Variants in ATXN7L1 observed in about 807,000 individuals in gnomAD.
The protein encoded by ATXN7L1 is ataxin 7 like 1.
In ATXN7L1, 15 loss-of-function variants were observed where a neutral mutation model predicts 70.8. The observed-to-expected ratio is 0.21, with a 90% CI of 0.14 to 0.33. The LOEUF is 0.33. ATXN7L1 is among the 10% of genes least tolerant of loss of function. The pLI, the probability that ATXN7L1 is intolerant of heterozygous loss-of-function variation, is 1.00. For synonymous variants in ATXN7L1, 440 were observed against 445.1 expected, an observed-to-expected ratio of 0.99 and a Z score of 0.14; for missense variants, 975 against 1,097.1, an observed-to-expected ratio of 0.89 and a Z score of 1.57.
chr7:105,784,835 T>C (rs1305018124), intron 3 of ATXN7L1, among the ~76,000 whole-genome samples: 2 of 152,160 alleles, frequency 1.3e-5, no homozygotes, highest in Admixed American at 6.5e-5. Context: ...CCAAAGCCCA[T>C]GCTGTCTCCT....
chr7:105,857,259 C>A (rs1369039335), intron 2 of ATXN7L1, among the ~76,000 whole-genome samples: 1 of 152,226 alleles, frequency 6.6e-6, no homozygotes, highest in East Asian at 1.9e-4. Context: ...AACCAAACAG[C>A]CTCTACCTTT....
rs539104338 is a variant in ATXN7L1, at chr7:105,660,978, C to T, written c.578+4088G>A. ...ACCTCATAGTCCTTATCACTTTGTA[C>T]TGTGTTAGCTTATGTTTCTATTTAC... is the stretch of plus-strand genomic sequence containing the variant. On this transcript the variant is annotated intron_variant, in intron 4 of 11. Coordinates refer to ENST00000419735, the MANE Select transcript of ATXN7L1 (RefSeq NM_020725.2). 2.6e-5 allele frequency among the ~76,000 whole-genome samples: 4 copies of T among 152,246 alleles called. No individual in the cohort carries two copies. In the South Asian group the frequency reaches 8.3e-4, roughly 32 times the overall value.
intron 4 of ATXN7L1, among the ~76,000 whole-genome samples, chr7:105,660,576 C>CTTTTTTT (rs34008024): frequency 5.1e-4 from 40 of 78,156 alleles, no homozygotes; most frequent in Non-Finnish European, 5.9e-4. Flanking sequence ...CGGAAGTGAC[C>CTTTTTTT]TTTTTTTTTT....
At chr7:105,685,121 T>C (rs905056968) in intron 3 of ATXN7L1, among the ~76,000 whole-genome samples, 2 of 151,808 alleles carry the variant, frequency 1.3e-5, no homozygotes, top group African/African-American at 4.8e-5. Context: ...ACTACCTTCC[T>C]TATTGGCAAC....
chr7:105,659,469 C>T (rs1365428156), intron 4 of ATXN7L1, among the ~76,000 whole-genome samples: 2 of 152,052 alleles, frequency 1.3e-5, no homozygotes, highest in Non-Finnish European at 2.9e-5. Context: ...GAAAGTGTCA[C>T]ATGTGAGGTA....
intron 2 of ATXN7L1, among the ~76,000 whole-genome samples, chr7:105,790,562 C>G (rs1176692828): frequency 3.9e-5 from 6 of 151,986 alleles, no homozygotes; most frequent in African/African-American, 1.2e-4. Flanking sequence ...GCCTGGGCAA[C>G]AGAGTGAGAC....
chr7:105,797,366 A>G (rs1191944938), intron 2 of ATXN7L1, among the ~76,000 whole-genome samples: 1 of 152,116 alleles, frequency 6.6e-6, no homozygotes, highest in Non-Finnish European at 1.5e-5. Flanking sequence ...ACAAAACATG[A>G]CCACACAAGA....
At chr7:105,686,286 C>T (rs1031246582) in intron 3 of ATXN7L1, among the ~76,000 whole-genome samples, 5 of 152,134 alleles carry the variant, frequency 3.3e-5, no homozygotes, top group South Asian at 2.1e-4. Flanking sequence ...GAAGCTGAGG[C>T]GGGTGGATCA....
chr7:105,681,095 C>T (rs1049221291), intron 3 of ATXN7L1, among the ~76,000 whole-genome samples: 48 of 152,306 alleles, frequency 3.2e-4, no homozygotes, highest in African/African-American at 1.1e-3. Context: ...AGAACCGTAA[C>T]TCTAAATACA....
At chr7:105,758,868 A>G (rs915273566) in intron 3 of ATXN7L1, among the ~76,000 whole-genome samples, 6 of 152,240 alleles carry the variant, frequency 3.9e-5, no homozygotes, top group Non-Finnish European at 7.3e-5. Flanking sequence ...AACACAGGAC[A>G]GTAAAAAAGG....
intron 7 of ATXN7L1, among the ~76,000 whole-genome samples, chr7:105,635,471 G>C (rs1332237402): frequency 6.6e-6 from 1 of 152,166 alleles, no homozygotes; most frequent in Non-Finnish European, 1.5e-5. Flanking sequence ...ACCATCCATG[G>C]ACTGCTTCTT....
At chr7:105,638,885 T>C (rs1466417818) in intron 6 of ATXN7L1, among the ~76,000 whole-genome samples, 3 of 152,124 alleles carry the variant, frequency 2.0e-5, no homozygotes, top group Admixed American at 2.0e-4. Context: ...ACCTCTCTGA[T>C]GAAAGGCAAC....
intron 2 of ATXN7L1, among the ~76,000 whole-genome samples, chr7:105,824,547 T>C (rs543431794): frequency 1.9e-3 from 281 of 151,716 alleles, no homozygotes; most frequent in African/African-American, 6.2e-3. Flanking sequence ...ATAGGTGACA[T>C]AAAAATTTTA....
intron 2 of ATXN7L1, among the ~76,000 whole-genome samples, chr7:105,868,481 T>C (rs1009093945): frequency 1.3e-5 from 2 of 152,206 alleles, no homozygotes; most frequent in Non-Finnish European, 2.9e-5. Context: ...TACCCTACTA[T>C]GCAGGCACCA....
At chr7:105,692,420 TCCTTCCTCCCTCCCTC>T in intron 3 of ATXN7L1, among the ~76,000 whole-genome samples, 1 of 112,028 alleles carries the variant, frequency 8.9e-6, no homozygotes, top group African/African-American at 3.4e-5. Context: ...CTTCCTTCCT[TCCTTCCTCCCTCCCTC>T]CCTCCCTCCC....
chr7:105,763,250 T>C (rs1004958442), intron 3 of ATXN7L1, among the ~76,000 whole-genome samples: 15 of 152,200 alleles, frequency 9.9e-5, no homozygotes, highest in African/African-American at 3.4e-4. Flanking sequence ...TTTCATCTCT[T>C]CTCTCTTGAG....
intron 3 of ATXN7L1, among the ~76,000 whole-genome samples, chr7:105,718,544 G>A (rs1218657177): frequency 6.6e-6 from 1 of 152,222 alleles, no homozygotes; most frequent in African/African-American, 2.4e-5. Flanking sequence ...AGGCTCCGGG[G>A]AGAGGTGGAC....
intron 2 of ATXN7L1, among the ~76,000 whole-genome samples, chr7:105,801,286 T>C (rs923460965): frequency 3.3e-5 from 5 of 152,200 alleles, no homozygotes; most frequent in Non-Finnish European, 7.3e-5. Flanking sequence ...TCCAGGCTTC[T>C]AAACCACAGG....
intron 7 of ATXN7L1, among the ~76,000 whole-genome samples, chr7:105,630,707 A>T (rs1484234684): frequency 7.4e-6 from 1 of 134,880 alleles, no homozygotes; most frequent in African/African-American, 2.8e-5. Context: ...ACAGAGTGAG[A>T]CCCTGTCTCA....
Sources: gnomAD v4.1 joint callset for allele counts (sites outside exome capture counted in the v4.1 genomes callset) on GRCh38, gnomAD v4.1.1 for gene constraint, MANE v1.5 for transcripts, NCBI Gene and HGNC (gene_info 2026-07-23, HGNC 2026-07-21) for gene names.